LTBP1: variants seen among roughly 807,000 people sequenced by gnomAD.
LTBP1 encodes the protein latent transforming growth factor beta binding protein 1.
Under a neutral mutation model 207.6 loss-of-function variants are expected in LTBP1, and 129 were observed. That is an observed-to-expected ratio of 0.62 (90% CI 0.54 to 0.72). The LOEUF (loss-of-function observed/expected upper bound fraction) is 0.72, where lower values mean the gene tolerates loss of function less well. LTBP1 is among the 30% of genes least tolerant of loss of function. The pLI is 0.00. For missense variants in LTBP1, 2,281 were observed against 2,217.2 expected, an observed-to-expected ratio of 1.03 and a Z score of -0.58; for synonymous variants, 963 against 833.7, an observed-to-expected ratio of 1.16 and a Z score of -2.67.
At chr2:33,080,771 C>T (rs1490167663) in intron 3 of LTBP1, among the ~76,000 whole-genome samples, 1 of 152,136 alleles carries the variant, frequency 6.6e-6, no homozygotes, top group Non-Finnish European at 1.5e-5. Flanking sequence ...ATAAATCTTG[C>T]ACATACATAC....
intron 2 of LTBP1, among the ~76,000 whole-genome samples, chr2:33,007,564 G>A (rs762696059): frequency 6.6e-6 from 1 of 152,160 alleles, no homozygotes; most frequent in African/African-American, 2.4e-5. Flanking sequence ...ACTGTTTTAC[G>A]CTGAATGGTT....
At chr2:33,291,942 G>A (rs1162026684) in intron 19 of LTBP1, among the ~76,000 whole-genome samples, 3 of 152,178 alleles carry the variant, frequency 2.0e-5, no homozygotes, top group African/African-American at 7.2e-5. Context: ...ATGCTGTCAC[G>A]TGTCTTTTCC....
chr2:33,183,700 C>G (rs145662951), intron 5 of LTBP1, among the ~76,000 whole-genome samples: 52 of 152,314 alleles, frequency 3.4e-4, no homozygotes, highest in African/African-American at 1.3e-3. Context: ...GCTCCCTTTG[C>G]TTTACCCATT....
At chr2:33,099,525 T>G (rs1336763962) in intron 3 of LTBP1, among the ~76,000 whole-genome samples, 3 of 152,230 alleles carry the variant, frequency 2.0e-5, no homozygotes, top group African/African-American at 7.2e-5. Flanking sequence ...CTAGTTGAAC[T>G]CTGAAAGCTG....
At chr2:33,364,732 T>G (rs1211114763) in intron 30 of LTBP1, among the ~76,000 whole-genome samples, 1 of 152,038 alleles carries the variant, frequency 6.6e-6, no homozygotes, top group Non-Finnish European at 1.5e-5. Context: ...GAACAGAGGG[T>G]GGAGTTCAAC....
chr2:33,309,413 A>C (rs774076985), intron 22 of LTBP1, 21 bp from the exon 23 acceptor site: 17 of 1,573,134 alleles, frequency 1.1e-5, no homozygotes, highest in Middle Eastern at 1.7e-4. Flanking sequence ...AGTCTTTAAA[A>C]ATTTTTAAAT....
chr2:33,322,029 T>C (rs746564322), intron 24 of LTBP1, among the ~76,000 whole-genome samples: 2 of 152,240 alleles, frequency 1.3e-5, no homozygotes, highest in Non-Finnish European at 2.9e-5. Flanking sequence ...GCTTTTGGAC[T>C]TGAAATGCAG....
chr2:33,242,033 A>G (rs915623089), intron 9 of LTBP1, among the ~76,000 whole-genome samples: 2 of 152,242 alleles, frequency 1.3e-5, no homozygotes. Flanking sequence ...GAATTTATAC[A>G]GCAAATATGC....
chr2:33,193,379 T>C (rs1374461706), intron 7 of LTBP1, among the ~76,000 whole-genome samples: 1 of 152,166 alleles, frequency 6.6e-6, no homozygotes, highest in Non-Finnish European at 1.5e-5. Context: ...TGACCTCAGG[T>C]GATCCACCCG....
At chr2:33,342,786 G>A in intron 24 of LTBP1, 52 bp from the exon 25 acceptor site, 1 of 1,594,428 alleles carries the variant, frequency 6.3e-7, no homozygotes, top group East Asian at 2.2e-5. Context: ...AATATCTGGT[G>A]TTTGTCAGCC....
intron 3 of LTBP1, among the ~76,000 whole-genome samples, chr2:33,103,291 T>G (rs1237036233): frequency 2.0e-5 from 3 of 149,828 alleles, no homozygotes; most frequent in Non-Finnish European, 4.5e-5. Context: ...ATGCACTGTA[T>G]GCACAGTCTC....
At chr2:33,309,663 A>G in intron 23 of LTBP1, 107 bp downstream of exon 23, 1 of 1,286,050 alleles carries the variant, frequency 7.8e-7, no homozygotes, top group Non-Finnish European at 1.1e-6. Flanking sequence ...TATGTAAATA[A>G]TTTATGTCAA....
intron 3 of LTBP1, among the ~76,000 whole-genome samples, chr2:33,053,846 C>A (rs909021924): frequency 6.6e-6 from 1 of 152,174 alleles, no homozygotes; most frequent in African/African-American, 2.4e-5. Context: ...CCTGCTGGCA[C>A]GAGGCTTCCA....
At chr2:33,340,573 A>G (rs148925090) in intron 24 of LTBP1, among the ~76,000 whole-genome samples, 2 of 152,206 alleles carry the variant, frequency 1.3e-5, no homozygotes, top group African/African-American at 4.8e-5. Flanking sequence ...CCGGAAGATG[A>G]TCATGAGATT....
intron 2 of LTBP1, among the ~76,000 whole-genome samples, chr2:33,008,487 A>G (rs974311441): frequency 2.0e-5 from 3 of 152,226 alleles, no homozygotes; most frequent in African/African-American, 7.2e-5. Flanking sequence ...AAAGTATAAT[A>G]TGGTATAAAC....
intron 2 of LTBP1, among the ~76,000 whole-genome samples, chr2:33,015,186 T>C (rs886397546): frequency 3.9e-5 from 6 of 152,344 alleles, no homozygotes; most frequent in Non-Finnish European, 8.8e-5. Context: ...TTTCTGAACC[T>C]GTTTCTATCT....
At chr2:33,184,764 C>G (rs997778358) in intron 5 of LTBP1, among the ~76,000 whole-genome samples, 1 of 146,770 alleles carries the variant, frequency 6.8e-6, no homozygotes, top group African/African-American at 2.5e-5. Context: ...TGTCCCTTCC[C>G]TCATTCAGTA....
At chr2:33,202,198 C>G (rs2089381358) in intron 7 of LTBP1, among the ~76,000 whole-genome samples, 1 of 152,038 alleles carries the variant, frequency 6.6e-6, no homozygotes, top group Non-Finnish European at 1.5e-5. Flanking sequence ...GCTGAAATTA[C>G]TTTTTTTTAA....
intron 11 of LTBP1, 49 bp downstream of exon 11, chr2:33,252,893 T>G (rs576015838): frequency 1.4e-6 from 2 of 1,474,070 alleles, no homozygotes; most frequent in East Asian, 4.6e-5. Flanking sequence ...GCCACATGAG[T>G]ACACGGGACA....
Sources: allele counts gnomAD v4.1 joint callset (sites outside exome capture counted in the v4.1 genomes callset), GRCh38; gene constraint gnomAD v4.1.1; transcripts MANE v1.5; gene names NCBI Gene and HGNC (gene_info 2026-07-23, HGNC 2026-07-21).